Variants in ASPRV1 observed in about 807,000 individuals in gnomAD.
ASPRV1 encodes aspartic peptidase retroviral like 1, also known as retroviral-like aspartic protease 1.
ASPRV1 carries 7 observed loss-of-function variants against 11.0 expected under a neutral mutation model. The observed-to-expected ratio is 0.64, with a 90% CI of 0.36 to 1.20. The LOEUF is 1.20. ASPRV1 is among the 50% of genes most tolerant of loss of function. ASPRV1 has a pLI of 0.02. For synonymous variants in ASPRV1, 136 were observed against 138.4 expected (o/e 0.98, Z 0.12); for missense variants, 299 against 320.0 (o/e 0.93, Z 0.50).
chr2:70,084,736 A>G, the ASPRV1 span, among the ~76,000 whole-genome samples: 1 of 152,228 alleles, frequency 6.6e-6, no homozygotes, highest in East Asian at 1.9e-4. Flanking sequence ...GTCTTAAATC[A>G]TAATGTAAAA....
At chr2:69,983,133 G>A in the ASPRV1 span, among the ~76,000 whole-genome samples, 3 of 152,050 alleles carry the variant, frequency 2.0e-5, no homozygotes, top group Non-Finnish European at 4.4e-5. Flanking sequence ...TGGCCAGGTC[G>A]GTCTTGAACT....
the ASPRV1 span, among the ~76,000 whole-genome samples, chr2:70,014,267 C>T: frequency 6.6e-6 from 1 of 152,154 alleles, no homozygotes; most frequent in Non-Finnish European, 1.5e-5. Context: ...AAGCATATCT[C>T]TAGTATGGCT....
chr2:70,022,362 TACACACACACACAC>T, the ASPRV1 span, among the ~76,000 whole-genome samples: 14 of 113,628 alleles, frequency 1.2e-4, no homozygotes, highest in African/African-American at 4.4e-4. Context: ...CACACACACT[TACACACACACACAC>T]ACACACACAC....
At chr2:70,085,981 T>C in the ASPRV1 span, 1 of 152,208 alleles carries the variant, frequency 6.6e-6, no homozygotes, top group Non-Finnish European at 1.5e-5. Flanking sequence ...GGGACCCAAA[T>C]TATCCCTTGA....
At chr2:69,987,198 C>G in the ASPRV1 span, among the ~76,000 whole-genome samples, 1 of 152,112 alleles carries the variant, frequency 6.6e-6, no homozygotes, top group Non-Finnish European at 1.5e-5. Flanking sequence ...CAGCAAACCA[C>G]TAGGCCAATC....
the ASPRV1 span, among the ~76,000 whole-genome samples, chr2:70,039,079 C>CAAAAA: frequency 1.5e-5 from 1 of 66,164 alleles, no homozygotes. Context: ...AACTCCATCT[C>CAAAAA]AAAAAAAAAA....
the ASPRV1 span, among the ~76,000 whole-genome samples, chr2:70,078,546 G>C: frequency 6.6e-6 from 1 of 152,202 alleles, no homozygotes; most frequent in South Asian, 2.1e-4. Context: ...AGATAAGGGA[G>C]AAGGCCATAC....
At chr2:69,957,527 G>A (rs1223948717), downstream of ASPRV1, among the ~76,000 whole-genome samples, 1 of 151,446 alleles carries the variant, frequency 6.6e-6, no homozygotes, top group East Asian at 1.9e-4. Flanking sequence ...AAGGCAGCTT[G>A]TAGGGCCCCC....
chr2:69,963,542 G>C, upstream of ASPRV1: 1 of 429,740 alleles, frequency 2.3e-6, no homozygotes. Context: ...TGCGACCAAG[G>C]GAGGAGCGAG....
chr2:70,032,493 C>CAA, the ASPRV1 span, among the ~76,000 whole-genome samples: 18 of 92,386 alleles, frequency 1.9e-4, no homozygotes, highest in African/African-American at 4.0e-4. Flanking sequence ...TTGGTCTCTA[C>CAA]AAAAAAAAAA....
At chr2:70,031,254 G>A in the ASPRV1 span, 1 of 152,126 alleles carries the variant, frequency 6.6e-6, no homozygotes, top group African/African-American at 2.4e-5. Flanking sequence ...TTACAATTCA[G>A]CACTTTATGA....
the ASPRV1 span, among the ~76,000 whole-genome samples, chr2:69,978,458 C>T: frequency 6.6e-6 from 1 of 152,164 alleles, no homozygotes; most frequent in African/African-American, 2.4e-5. Flanking sequence ...CCATTTTCCC[C>T]TTCACAAAAT....
chr2:70,076,804 G>A, the ASPRV1 span, among the ~76,000 whole-genome samples: 197 of 152,244 alleles, frequency 1.3e-3, 1 homozygote, highest in Non-Finnish European at 2.4e-3. Flanking sequence ...ATGACTGCAC[G>A]GCTGAGTGGG....
At chr2:70,081,733 G>A in the ASPRV1 span, among the ~76,000 whole-genome samples, 3 of 151,754 alleles carry the variant, frequency 2.0e-5, no homozygotes, top group East Asian at 1.9e-4. Context: ...ACAGGTGCAC[G>A]CCACCACACC....
At chr2:69,954,486 A>G in the ASPRV1 span, among the ~76,000 whole-genome samples, 1 of 152,128 alleles carries the variant, frequency 6.6e-6, no homozygotes, top group Admixed American at 6.5e-5. Context: ...CTTAAAACAC[A>G]CTTTTGAATT....
chr2:69,972,739 A>G, the ASPRV1 span, among the ~76,000 whole-genome samples: 79 of 151,898 alleles, frequency 5.2e-4, no homozygotes, highest in Admixed American at 1.2e-3. Context: ...TTGGCCCCAC[A>G]CTGACTACTC....
the ASPRV1 span, chr2:69,935,550 C>A: frequency 1.2e-6 from 1 of 866,896 alleles, no homozygotes; most frequent in East Asian, 2.6e-5. Flanking sequence ...CAGTCCTCTC[C>A]CCTGAACTCC....
the ASPRV1 span, among the ~76,000 whole-genome samples, chr2:69,951,682 AT>A: frequency 1.3e-5 from 2 of 151,950 alleles, no homozygotes. Flanking sequence ...ATTAAAAAAA[AT>A]ACTAAAGGAA....
At chr2:70,023,042 A>C in the ASPRV1 span, among the ~76,000 whole-genome samples, 2 of 152,176 alleles carry the variant, frequency 1.3e-5, no homozygotes, top group African/African-American at 4.8e-5. Context: ...TCAAAATCAA[A>C]ACTAAAGAAG....
Sources: gnomAD v4.1 joint callset for allele counts (sites outside exome capture counted in the v4.1 genomes callset) on GRCh38, gnomAD v4.1.1 for gene constraint, MANE v1.5 for transcripts, NCBI Gene and HGNC (gene_info 2026-07-23, HGNC 2026-07-21) for gene names.